The following RIMS1 variants were observed in gnomAD, a reference collection of about 807,000 sequenced individuals.
RIMS1 encodes the protein regulating synaptic membrane exocytosis protein 1.
A neutral mutation model predicts 214.1 loss-of-function variants in RIMS1; 83 were observed. That is an observed-to-expected ratio of 0.39 (90% CI 0.32 to 0.47). The LOEUF (loss-of-function observed/expected upper bound fraction) is 0.47, where lower values mean the gene tolerates loss of function less well. Among genes scored for constraint, RIMS1 ranks in the 20% least tolerant of loss-of-function variants. The pLI, the probability that RIMS1 is intolerant of heterozygous loss-of-function variation, is 0.99. For missense variants in RIMS1, 2,050 were observed against 2,161.8 expected, an observed-to-expected ratio of 0.95 and a Z score of 1.03; for synonymous variants, 793 against 786.8, an observed-to-expected ratio of 1.01 and a Z score of -0.13.
intron 1 of RIMS1, among the ~76,000 whole-genome samples, chr6:71,912,284 G>A (rs1777158598): frequency 6.6e-6 from 1 of 152,050 alleles, no homozygotes; most frequent in African/African-American, 2.4e-5. Flanking sequence ...GTCATAATTT[G>A]TTTTGTTACT....
chr6:72,010,142 G>C (rs1268652436), intron 2 of RIMS1, among the ~76,000 whole-genome samples: 3 of 152,030 alleles, frequency 2.0e-5, no homozygotes, highest in Non-Finnish European at 4.4e-5. Flanking sequence ...ATGATCAAGT[G>C]GGCTTCATCC....
In RIMS1 at chr6:71,935,903, CTGAAAGTATGAACTAT is replaced by C. The variant is rs1784290191; in HGVS notation, c.165-33074_165-33059del. On this transcript the variant is annotated intron_variant, in intron 1 of 33. Coordinates refer to ENST00000521978, the MANE Select transcript of RIMS1 (RefSeq NM_014989.7). ...CACCGGGAGCACCAAAGAATCACAA[CTGAAAGTATGAACTAT>C]TGAAAAATTAATCATGGCTGTTTAT... is the stretch of plus-strand genomic sequence containing the variant. 3.3e-5 allele frequency among the ~76,000 whole-genome samples: 5 copies of C among 152,200 alleles called. No homozygotes were observed. In the South Asian group the frequency reaches 1.0e-3, roughly 31 times the overall value.
chr6:72,022,799 G>T (rs762919354), intron 2 of RIMS1, among the ~76,000 whole-genome samples: 1 of 152,102 alleles, frequency 6.6e-6, no homozygotes, highest in Non-Finnish European at 1.5e-5. Context: ...CATATTAGGT[G>T]CAAATAAAGA....
chr6:71,932,202 A>G (rs1026824822), intron 1 of RIMS1, among the ~76,000 whole-genome samples: 1 of 152,172 alleles, frequency 6.6e-6, no homozygotes, highest in Non-Finnish European at 1.5e-5. Flanking sequence ...GCTATTCACA[A>G]TAGCAAAGAC....
At chr6:72,094,697 G>C (rs532796100) in intron 2 of RIMS1, among the ~76,000 whole-genome samples, 4 of 152,170 alleles carry the variant, frequency 2.6e-5, no homozygotes, top group Admixed American at 1.3e-4. Flanking sequence ...GACCCTCAAA[G>C]TCTAAAATAT....
At chr6:72,230,606 A>G (rs2061641480) in intron 6 of RIMS1, among the ~76,000 whole-genome samples, 1 of 151,536 alleles carries the variant, frequency 6.6e-6, no homozygotes, top group Non-Finnish European at 1.5e-5. Context: ...CATGATACAC[A>G]ATTCTAAATT....
At chr6:72,176,580 A>T (rs2047738370) in intron 4 of RIMS1, among the ~76,000 whole-genome samples, 1 of 152,300 alleles carries the variant, frequency 6.6e-6, no homozygotes, top group Admixed American at 6.5e-5. Flanking sequence ...AAATATTTTA[A>T]CATTGCCATG....
intron 2 of RIMS1, among the ~76,000 whole-genome samples, chr6:72,008,484 C>A (rs1379208178): frequency 1.3e-5 from 2 of 151,958 alleles, no homozygotes; most frequent in Non-Finnish European, 2.9e-5. Context: ...TATTAACGTT[C>A]AATGTAAATG....
At chr6:72,135,193 G>A (rs76692296) in intron 4 of RIMS1, among the ~76,000 whole-genome samples, 1,694 of 152,108 alleles carry the variant, frequency 0.011, 10 homozygotes, top group Non-Finnish European at 0.017. Flanking sequence ...AAGACAGAAA[G>A]CCCAAAAGAG....
At chr6:72,133,680 C>G (rs577973403) in intron 4 of RIMS1, among the ~76,000 whole-genome samples, 1 of 152,112 alleles carries the variant, frequency 6.6e-6, no homozygotes, top group Non-Finnish European at 1.5e-5. Context: ...GTGGATGACA[C>G]CAAGTTTTCT....
intron 4 of RIMS1, among the ~76,000 whole-genome samples, chr6:72,109,299 T>C (rs182388333): frequency 0.015 from 2,302 of 151,964 alleles, 33 homozygotes; most frequent in Non-Finnish European, 0.024. Context: ...ATGGTTGAAG[T>C]AGTTTACAGT....
intron 19 of RIMS1, chr6:72,261,818 T>C (rs2078153585): frequency 1.0e-6 from 1 of 985,100 alleles, no homozygotes. Flanking sequence ...ACTACTGCCA[T>C]GTTTGCTTGG....
At chr6:72,340,082 T>A (rs2097002122) in intron 29 of RIMS1, among the ~76,000 whole-genome samples, 3 of 152,176 alleles carry the variant, frequency 2.0e-5, no homozygotes, top group Admixed American at 2.0e-4. Context: ...ATAAATGTCT[T>A]CTTTTGAGAA....
chr6:72,390,165 G>T (rs2098679785), intron 29 of RIMS1, among the ~76,000 whole-genome samples: 2 of 152,188 alleles, frequency 1.3e-5, no homozygotes, highest in African/African-American at 4.8e-5. Context: ...TTCAAACTGG[G>T]TTCCAAATGC....
At position 72,402,868 on chromosome 6, in the gene RIMS1, A is replaced by C. The variant is rs2098843252; in HGVS notation, c.*2154A>C. The stretch of plus-strand genomic sequence containing the variant: ...TCCATTGTGGGTTCTATGGTGCAAA[A>C]TGGGAGCCAGGCCATGGGAAGGGGA... On this transcript the variant is annotated 3_prime_UTR_variant, in exon 34 of 34. Transcript: ENST00000521978. 6.6e-6 allele frequency: 1 copy of C among 152,604 alleles called. No homozygotes were observed. The highest frequency in any genetic ancestry group is 2.1e-4 in the South Asian group (1 of 4,824). The allele number at this position is 152,604 out of a possible 1,614,324, so 9.5% of individuals were successfully genotyped here.
At chr6:71,962,856 C>T (rs1400391891) in intron 1 of RIMS1, among the ~76,000 whole-genome samples, 1 of 151,946 alleles carries the variant, frequency 6.6e-6, no homozygotes, top group Non-Finnish European at 1.5e-5. Flanking sequence ...TTATAGAAAC[C>T]CTTTCTCTAC....
chr6:71,887,586 G>C (rs1157094472), intron 1 of RIMS1, among the ~76,000 whole-genome samples: 1 of 152,154 alleles, frequency 6.6e-6, no homozygotes, highest in East Asian at 1.9e-4. Flanking sequence ...GCAGGATGAA[G>C]AGGTGCTGAG....
At chr6:72,061,331 C>T (rs1827801330) in intron 2 of RIMS1, among the ~76,000 whole-genome samples, 1 of 152,106 alleles carries the variant, frequency 6.6e-6, no homozygotes, top group South Asian at 2.1e-4. Context: ...AAATGTGAAG[C>T]TTAACTGGAA....
intron 2 of RIMS1, among the ~76,000 whole-genome samples, chr6:72,021,588 C>T (rs1279715048): frequency 2.6e-5 from 4 of 152,162 alleles, no homozygotes; most frequent in Admixed American, 2.0e-4. Flanking sequence ...AGAAAGAACA[C>T]AGTGTCAGTT....
Sources: gnomAD v4.1 joint callset for allele counts (sites outside exome capture counted in the v4.1 genomes callset) on GRCh38, gnomAD v4.1.1 for gene constraint, MANE v1.5 for transcripts, NCBI Gene and HGNC (gene_info 2026-07-23, HGNC 2026-07-21) for gene names.